CNTNAP2: variants seen among roughly 807,000 people sequenced by gnomAD.
CNTNAP2 encodes contactin-associated protein-like 2.
In CNTNAP2, 98 loss-of-function variants were observed where a neutral mutation model predicts 155.2. The observed-to-expected ratio is 0.63, with a 90% CI of 0.54 to 0.75. The LOEUF (loss-of-function observed/expected upper bound fraction) is 0.75, where lower values mean the gene tolerates loss of function less well. Ranked by LOEUF, CNTNAP2 falls within the 30% of genes least tolerant of loss-of-function variation. CNTNAP2 has a pLI of 0.00. For synonymous variants in CNTNAP2, 651 were observed against 631.2 expected (o/e 1.03, Z -0.47); for missense variants, 1,727 against 1,688.1 (o/e 1.02, Z -0.40).
intron 18 of CNTNAP2, among the ~76,000 whole-genome samples, chr7:148,180,599 G>A (rs888670649): frequency 2.6e-5 from 4 of 151,906 alleles, no homozygotes; most frequent in Non-Finnish European, 5.9e-5. Flanking sequence ...TTGCGTCTCT[G>A]GTATCTACAA....
At chr7:147,661,958 T>C (rs775181552) in intron 13 of CNTNAP2, among the ~76,000 whole-genome samples, 3 of 152,154 alleles carry the variant, frequency 2.0e-5, no homozygotes, top group Non-Finnish European at 2.9e-5. Flanking sequence ...CATTTGCCCT[T>C]CCTTTGTCTC....
At chr7:147,578,612 T>C (rs1800442071) in intron 12 of CNTNAP2, among the ~76,000 whole-genome samples, 1 of 152,176 alleles carries the variant, frequency 6.6e-6, no homozygotes, top group African/African-American at 2.4e-5. Context: ...ATTTATTAAG[T>C]ATATTCCTAG....
chr7:146,828,761 T>C (rs759914226), intron 2 of CNTNAP2, among the ~76,000 whole-genome samples: 1 of 152,114 alleles, frequency 6.6e-6, no homozygotes, highest in Non-Finnish European at 1.5e-5. Context: ...CATGTAAGTG[T>C]TCAAGATGTT....
chr7:148,011,104 C>T (rs573642577), intron 15 of CNTNAP2, among the ~76,000 whole-genome samples: 1 of 152,066 alleles, frequency 6.6e-6, no homozygotes, highest in South Asian at 2.1e-4. Context: ...ATAATTCATC[C>T]ATTTACAATG....
intron 3 of CNTNAP2, among the ~76,000 whole-genome samples, chr7:146,867,903 A>T (rs972073315): frequency 1.2e-4 from 17 of 147,348 alleles, no homozygotes; most frequent in Middle Eastern, 3.4e-3. Context: ...TAAGTTTCTT[A>T]TAGATACTGG....
intron 3 of CNTNAP2, among the ~76,000 whole-genome samples, chr7:146,980,460 G>A (rs1797993346): frequency 6.6e-6 from 1 of 152,148 alleles, no homozygotes; most frequent in African/African-American, 2.4e-5. Flanking sequence ...AATAATTGGA[G>A]ACCAGGTGTG....
intron 10 of CNTNAP2, among the ~76,000 whole-genome samples, chr7:147,468,869 G>A (rs1318606539): frequency 2.7e-5 from 4 of 148,234 alleles, no homozygotes; most frequent in Admixed American, 1.3e-4. Flanking sequence ...CAGACAGAGT[G>A]TCACTCTTTC....
rs142322838 is a variant in CNTNAP2, at chr7:146,292,616, C to T, written c.97+175643C>T. On this transcript the variant is annotated intron_variant, in intron 1 of 23. Transcript: ENST00000361727. ...TAGAACTGCCATATGATTGAGCAATCCCATTACTGGGTATACTGGGAACTG... is the reference window on the plus strand; with the variant it reads ...TAGAACTGCCATATGATTGAGCAATTCCATTACTGGGTATACTGGGAACTG... Among the ~76,000 whole-genome samples, 202 of 152,266 alleles carry T rather than the reference C, an allele frequency of 1.3e-3. 2 individuals are homozygous for T. The East Asian group carries it at 0.033, about 25-fold the overall frequency.
intron 8 of CNTNAP2, among the ~76,000 whole-genome samples, chr7:147,223,226 T>C (rs1323098797): frequency 6.6e-6 from 1 of 152,216 alleles, no homozygotes; most frequent in African/African-American, 2.4e-5. Context: ...AGAAGGTTCA[T>C]GGCATTCTAG....
intron 1 of CNTNAP2, among the ~76,000 whole-genome samples, chr7:146,719,026 A>G (rs1401563646): frequency 6.6e-6 from 1 of 152,174 alleles, no homozygotes; most frequent in Non-Finnish European, 1.5e-5. Flanking sequence ...GTTTACATTT[A>G]TTAGCTTCTG....
chr7:147,948,408 C>A (rs946645538), intron 14 of CNTNAP2, among the ~76,000 whole-genome samples: 5 of 151,534 alleles, frequency 3.3e-5, no homozygotes, highest in African/African-American at 1.2e-4. Flanking sequence ...TGCATCAAAA[C>A]ATCTCATGTA....
chr7:146,973,417 A>G (rs951216227), intron 3 of CNTNAP2, among the ~76,000 whole-genome samples: 2 of 152,244 alleles, frequency 1.3e-5, no homozygotes, highest in Non-Finnish European at 2.9e-5. Flanking sequence ...AGATCCATTC[A>G]CACTGAAAGT....
At chr7:148,251,355 CCAAATG>C (rs1036626671) in intron 20 of CNTNAP2, among the ~76,000 whole-genome samples, 1 of 152,176 alleles carries the variant, frequency 6.6e-6, no homozygotes, top group African/African-American at 2.4e-5. Context: ...AAGATTTGTC[CCAAATG>C]CAAAGCTTCT....
At chr7:147,012,266 C>T (rs1412076501) in intron 3 of CNTNAP2, among the ~76,000 whole-genome samples, 5 of 152,132 alleles carry the variant, frequency 3.3e-5, no homozygotes, top group African/African-American at 1.2e-4. Flanking sequence ...TGTAAAAACC[C>T]TCATTCTAAG....
intron 1 of CNTNAP2, among the ~76,000 whole-genome samples, chr7:146,590,667 C>A (rs777825644): frequency 6.6e-6 from 1 of 152,226 alleles, no homozygotes; most frequent in East Asian, 1.9e-4. Flanking sequence ...CACAGATGCA[C>A]AACACACCAT....
At chr7:147,702,065 T>TG (rs1213982414) in intron 13 of CNTNAP2, among the ~76,000 whole-genome samples, 2 of 150,954 alleles carry the variant, frequency 1.3e-5, no homozygotes, top group African/African-American at 4.9e-5. Context: ...GTTTTTTTTT[T>TG]TTTTTTTTTT....
chr7:147,028,285 C>G lies in CNTNAP2; in HGVS notation c.403-15622C>G, dbSNP rs1798961106. On this transcript the variant is annotated intron_variant, in intron 3 of 23. Coordinates refer to ENST00000361727, the MANE Select transcript of CNTNAP2 (RefSeq NM_014141.6). ...AGAGAGATGGAAATGAGCTTCTATC[C>G]TTGAAAGTTTGGATATGAAATTGTC... Among the ~76,000 whole-genome samples, 2 of 152,266 alleles carry G rather than the reference C, an allele frequency of 1.3e-5. 1 individual carries two copies. The highest frequency in any genetic ancestry group is 4.8e-5 in the African/African-American group (2 of 41,554).
intron 1 of CNTNAP2, among the ~76,000 whole-genome samples, chr7:146,243,089 G>A (rs1239064012): frequency 1.3e-5 from 2 of 151,906 alleles, no homozygotes; most frequent in African/African-American, 4.8e-5. Context: ...CTCCACCAAA[G>A]CTGTTTAGTA....
rs982971582 is a variant in CNTNAP2 at position 146,910,169 on chromosome 7, G to A, written c.402+70265G>A. Among the ~76,000 whole-genome samples the A allele has an allele frequency of 1.5e-3, 201 of 136,688 alleles. 5 individuals are homozygous for A. Among genetic ancestry groups the A allele is most frequent in the African/African-American group, 4.7e-3 (179 of 38,144 alleles). 89.7% of individuals were successfully genotyped at this position (136,688 alleles called of 152,430 possible). ...GAAATAAAAGAGGATACAAAGAAAT[G>A]GAAGAACATTCCATGCTCATGGGTA... On this transcript the variant is annotated intron_variant, in intron 3 of 23. Transcript: ENST00000361727.
Sources: gnomAD v4.1 joint callset for allele counts (sites outside exome capture counted in the v4.1 genomes callset) on GRCh38, gnomAD v4.1.1 for gene constraint, MANE v1.5 for transcripts, NCBI Gene and HGNC (gene_info 2026-07-23, HGNC 2026-07-21) for gene names.